Variants in NFS1 observed in about 807,000 individuals in gnomAD.
The protein encoded by NFS1 is NFS1 cysteine desulfurase, also known as cysteine desulfurase.
NFS1 carries 26 observed loss-of-function variants against 57.3 expected under a neutral mutation model. The observed-to-expected ratio is 0.45, with a 90% CI of 0.33 to 0.63. The LOEUF is 0.63. NFS1 is among the 20% of genes least tolerant of loss of function. The pLI is 0.02. For missense variants in NFS1, 505 were observed against 605.8 expected (o/e 0.83, Z 1.75); for synonymous variants, 209 against 216.3 (o/e 0.97, Z 0.30).
chr20:35,696,561 C>A, intron 3 of NFS1, 101 bp from the exon 4 acceptor site: 1 of 803,030 alleles, frequency 1.2e-6, no homozygotes, highest in South Asian at 1.5e-5. Context: ...AGCTCCACTG[C>A]ATTCCACCAA....
intron 5 of NFS1, among the ~76,000 whole-genome samples, chr20:35,688,739 G>GAGAGGGAGGGAGGAAA (rs374124959): frequency 6.6e-6 from 1 of 150,842 alleles, no homozygotes; most frequent in African/African-American, 2.4e-5. Flanking sequence ...GAGAGAGAGA[G>GAGAGGGAGGGAGGAAA]AGAGGGAGGG....
chr20:35,681,654 C>T (rs1417070471), intron 6 of NFS1, among the ~76,000 whole-genome samples: 2 of 152,080 alleles, frequency 1.3e-5, no homozygotes, highest in Admixed American at 6.6e-5. Context: ...GCTGAGATCA[C>T]ACCACTGCAC....
chr20:35,682,329 C>T (rs1428404632), intron 5 of NFS1, among the ~76,000 whole-genome samples: 2 of 152,196 alleles, frequency 1.3e-5, no homozygotes, highest in Admixed American at 6.5e-5. Context: ...CACAAATGTT[C>T]ACAATAACTT....
intron 12 of NFS1, among the ~76,000 whole-genome samples, chr20:35,670,914 GTA>G (rs1407500633): frequency 1.3e-5 from 2 of 152,160 alleles, no homozygotes; most frequent in African/African-American, 4.8e-5. Flanking sequence ...GGGAAGCAGA[GTA>G]TATACCTGAA....
chr20:35,678,681 C>A (rs943233063), intron 7 of NFS1, among the ~76,000 whole-genome samples: 1 of 151,724 alleles, frequency 6.6e-6, no homozygotes, highest in South Asian at 2.1e-4. Context: ...CCAGCCTGGG[C>A]GTCAGAGTAA....
At chr20:35,697,060 C>G (rs757774674) in intron 3 of NFS1, among the ~76,000 whole-genome samples, 1 of 152,060 alleles carries the variant, frequency 6.6e-6, no homozygotes, top group South Asian at 2.1e-4. Context: ...GAGCCGAGAT[C>G]GTGCCACTGC....
Position 35,699,021 on chromosome 20 carries a change from G to A in NFS1, c.97+171C>T. ...CGCAGGGTGCGAGGGGTGGTGCGCC[G>A]GGGTCAACCGTTCGGGGACCCGCCT... On this transcript the variant is annotated intron_variant, in intron 1 of 12. Coordinates refer to ENST00000374092, the MANE Select transcript of NFS1 (RefSeq NM_021100.5). The surrounding 1 kb of genome is among the most constrained non-coding windows in gnomAD (Gnocchi z 4.4). The A allele has an allele frequency of 3.0e-6, 4 of 1,325,398 alleles. No homozygotes were observed. Among genetic ancestry groups the A allele is most frequent in the Non-Finnish European group, 2.9e-6 (3 of 1,041,256 alleles). The allele number at this position is 1,325,398 out of a possible 1,614,324, so 82.1% of individuals were successfully genotyped here. A position where few individuals can be genotyped will look rare whatever the true frequency, so the allele number is the denominator to read the frequency against.
chr20:35,698,785 G>C (rs1244783526), intron 1 of NFS1, 195 bp from the exon 2 acceptor site: 5 of 1,393,912 alleles, frequency 3.6e-6, no homozygotes, highest in Non-Finnish European at 4.6e-6. Context: ...GGGAGAGAGG[G>C]TTCCTGGAGG....
At chr20:35,682,021 CA>C (rs2034856879) in intron 5 of NFS1, 40 bp from the exon 6 acceptor site, 1 of 1,183,412 alleles carries the variant, frequency 8.5e-7, no homozygotes, top group Non-Finnish European at 1.3e-6. Context: ...ATAGTACAAA[CA>C]AAGTCCTCCT....
Position 35,680,828 on chromosome 20 carries a change from T to G in NFS1, c.699A>C (p.Ala233=). The change falls in exon 7 of 13, where the codon GCA becomes GCC. Residue 233 remains alanine (A), a synonymous_variant. Coordinates refer to ENST00000374092, the MANE Select transcript of NFS1 (RefSeq NM_021100.5). ...GTGGGATTTTTCCAACAGCCTGGGC[T>G]GCATCAGTATGGAAATATACCTTTC... ...SSRKVYFHTD[A]AQAVGKIPLD... 1 of 1,580,918 alleles carries G rather than the reference T, an allele frequency of 6.3e-7. No homozygotes were observed. Among genetic ancestry groups the G allele is most frequent in the Non-Finnish European group, 8.6e-7 (1 of 1,165,098 alleles).
intron 4 of NFS1, among the ~76,000 whole-genome samples, chr20:35,695,243 G>A (rs1378497239): frequency 6.6e-6 from 1 of 152,194 alleles, no homozygotes; most frequent in Non-Finnish European, 1.5e-5. Flanking sequence ...CAGTCCCAAG[G>A]AAGGATGCCT....
intron 12 of NFS1, among the ~76,000 whole-genome samples, chr20:35,670,079 A>G (rs1201214997): frequency 6.6e-6 from 1 of 152,250 alleles, no homozygotes; most frequent in African/African-American, 2.4e-5. Context: ...GCCTCTCTTC[A>G]TATGACATGT....
chr20:35,698,799 TGTTGA>T, intron 1 of NFS1: 1 of 1,382,730 alleles, frequency 7.2e-7, no homozygotes, highest in Non-Finnish European at 9.3e-7. Context: ...CTGGAGGGGG[TGTTGA>T]GTTGATATTC....
chr20:35,696,494 G>C (rs746506412), intron 3 of NFS1, 34 bp from the exon 4 acceptor site: 2 of 1,541,734 alleles, frequency 1.3e-6, no homozygotes, highest in Non-Finnish European at 1.8e-6. Context: ...TATAACATCA[G>C]TTCCCCAGGC....
In NFS1 at chr20:35,675,154, G is replaced by A; in HGVS notation, c.839C>T (p.Ala280Val). ...IRRRPRVRVEALQSGGGQERG... is the reference protein window; with the variant it reads ...IRRRPRVRVEVLQSGGGQERG... ...CTCCTGCCCCCCTCCACTCTGCAGG[G>A]CCTCCACACGCACACGGGGCCGGCG... Residue 280 changes from alanine to valine, a missense_variant, in exon 8 of 13, where the codon GCC (alanine) becomes GTC (valine). Transcript: ENST00000374092. The A allele has an allele frequency of 6.2e-7, 1 of 1,613,866 alleles. No homozygotes were observed. The highest frequency in any genetic ancestry group is 8.5e-7 in the Non-Finnish European group (1 of 1,180,004).
intron 11 of NFS1, 142 bp from the exon 12 acceptor site, chr20:35,672,986 C>T: frequency 1.6e-6 from 1 of 610,360 alleles, no homozygotes; most frequent in Admixed American, 3.1e-5. Context: ...CAGAGTTTCT[C>T]AGAACATGGT....
chr20:35,689,996 G>C (rs146453324), intron 5 of NFS1, among the ~76,000 whole-genome samples: 1 of 151,090 alleles, frequency 6.6e-6, no homozygotes, highest in Non-Finnish European at 1.5e-5. Flanking sequence ...CTACTCGGGA[G>C]GGTGAGGCAG....
At chr20:35,690,791 C>A (rs916005176) in intron 4 of NFS1, among the ~76,000 whole-genome samples, 5 of 152,166 alleles carry the variant, frequency 3.3e-5, no homozygotes, top group Admixed American at 1.3e-4. Context: ...AGTTCAGATA[C>A]CAGACATAAG....
chr20:35,687,658 G>A (rs765720563), intron 5 of NFS1, among the ~76,000 whole-genome samples: 1 of 152,142 alleles, frequency 6.6e-6, no homozygotes, highest in Non-Finnish European at 1.5e-5. Flanking sequence ...TCTCTGTCTT[G>A]TGTCTTTATT....
Sources: allele counts gnomAD v4.1 joint callset (sites outside exome capture counted in the v4.1 genomes callset), GRCh38; gene constraint gnomAD v4.1.1; non-coding constraint Gnocchi (gnomAD v3.1); transcripts MANE v1.5; gene names NCBI Gene and HGNC (gene_info 2026-07-23, HGNC 2026-07-21).